The following FUCA1 variants were observed in gnomAD, a reference collection of about 807,000 sequenced individuals.
FUCA1 encodes the protein tissue alpha-L-fucosidase.
In FUCA1, 52 loss-of-function variants were observed where a neutral mutation model predicts 56.8. That is an observed-to-expected ratio of 0.92 (90% CI 0.73 to 1.15). The LOEUF (loss-of-function observed/expected upper bound fraction) is 1.15, where lower values mean the gene tolerates loss of function less well. Among genes scored for constraint, FUCA1 ranks in the 50% most tolerant of loss-of-function variants. The pLI, the probability that FUCA1 is intolerant of heterozygous loss-of-function variation, is 0.00. For synonymous variants in FUCA1, 230 were observed against 226.6 expected, an observed-to-expected ratio of 1.02 and a Z score of -0.14; for missense variants, 568 against 592.6, an observed-to-expected ratio of 0.96 and a Z score of 0.43.
At chr1:23,860,540 C>T (rs1639484685) in intron 3 of FUCA1, among the ~76,000 whole-genome samples, 1 of 147,582 alleles carries the variant, frequency 6.8e-6, no homozygotes, top group African/African-American at 2.5e-5. Flanking sequence ...GCCGAGATTG[C>T]GCCACTGCAC....
At position 23,868,086 on chromosome 1, in the gene FUCA1, G is replaced by T. The variant is rs917235973; in HGVS notation, c.201C>A (p.Phe67Leu). The T allele has an allele frequency of 6.2e-7, 1 of 1,611,842 alleles. No individual in the cohort carries two copies. Among genetic ancestry groups the T allele is most frequent in the Non-Finnish European group, 8.5e-7 (1 of 1,179,594 alleles). Residue 67 changes from phenylalanine to leucine, a missense_variant, in exon 1 of 8, where the codon TTC (phenylalanine) becomes TTA (leucine). Physicochemically the swap from Phe to Leu is conservative, Grantham distance 22. Transcript: ENST00000374479. ...ACTCGCTGCCCCAGGCGGGCACCGA[G>T]AACACGCCCCAGTGGATGAACACCC... ...KFGVFIHWGVFSVPAWGSEWF... is the reference protein window; with the variant it reads ...KFGVFIHWGVLSVPAWGSEWF...
chr1:23,864,992 C>T (rs944482798), intron 2 of FUCA1, among the ~76,000 whole-genome samples: 2 of 152,172 alleles, frequency 1.3e-5, no homozygotes, highest in African/African-American at 2.4e-5. Context: ...TGTGAGTCAA[C>T]GCACCCGACC....
intron 3 of FUCA1, among the ~76,000 whole-genome samples, chr1:23,862,046 A>T (rs1331946942): frequency 6.6e-6 from 1 of 152,242 alleles, no homozygotes; most frequent in Non-Finnish European, 1.5e-5. Flanking sequence ...CAACATAGCC[A>T]AGTACGATAA....
intron 5 of FUCA1, among the ~76,000 whole-genome samples, chr1:23,853,697 CTT>C (rs1639327400): frequency 1.3e-5 from 2 of 150,272 alleles, no homozygotes; most frequent in African/African-American, 2.4e-5. Flanking sequence ...ACACGGGAGA[CTT>C]TTCATTTTGT....
chr1:23,865,659 T>C (rs770555085), intron 1 of FUCA1, 34 bp from the exon 2 acceptor site: 1 of 1,614,130 alleles, frequency 6.2e-7, no homozygotes, highest in Non-Finnish European at 8.5e-7. Flanking sequence ...GCAAAGGAAG[T>C]GGGCAGTGAA....
In FUCA1 at chr1:23,854,562, T is replaced by C. The variant is rs1250037816; in HGVS notation, c.769-2A>G. 6.2e-7 allele frequency: 1 copy of C among 1,611,128 alleles called. No individual in the cohort carries two copies. Among genetic ancestry groups the C allele is most frequent in the Non-Finnish European group, 8.5e-7 (1 of 1,177,310 alleles). On this transcript the variant is annotated splice_acceptor_variant, in intron 4 of 7. Coordinates refer to ENST00000374479, the MANE Select transcript of FUCA1 (RefSeq NM_000147.5). LOFTEE classifies it high-confidence loss of function. ...TCGGTCATTTACTACCACCTCATCC[T>C]AAGGAGGGAAAGAATATTTGGTCAT...
intron 5 of FUCA1, 50 bp from the exon 6 acceptor site, chr1:23,848,889 C>A (rs1270019728): frequency 6.8e-7 from 1 of 1,463,268 alleles, no homozygotes; most frequent in Non-Finnish European, 9.6e-7. Flanking sequence ...CCAAGCCTGG[C>A]ATCATGCTTA....
rs886046326 is a variant in FUCA1 at position 23,868,257 on chromosome 1, C to T, written c.30G>A (p.Pro10=). 9 of 1,558,002 alleles carry T rather than the reference C, an allele frequency of 5.8e-6. No individual in the cohort carries two copies. Among genetic ancestry groups the T allele is most frequent in the Non-Finnish European group, 7.8e-6 (9 of 1,153,116 alleles). The part of the protein sequence containing the change: MRAPGMRSR[P]AGPALLLLLL... ...GCAGCAGCAACAGCGCGGGACCCGC[C>T]GGCCGCGACCTCATCCCCGGAGCCC... is the stretch of plus-strand genomic sequence containing the variant. Residue 10 remains proline, a synonymous_variant, in exon 1 of 8, where the codon CCG becomes CCA. Coordinates refer to ENST00000374479, the MANE Select transcript of FUCA1 (RefSeq NM_000147.5).
At chr1:23,846,428 G>A (rs759222613) in intron 6 of FUCA1, among the ~76,000 whole-genome samples, 2 of 151,646 alleles carry the variant, frequency 1.3e-5, no homozygotes, top group East Asian at 1.9e-4. Context: ...GCACCACCAC[G>A]CCTGGCTAAC....
Position 23,854,479 on chromosome 1 carries a change from T to G in FUCA1, c.850A>C (p.Lys284Gln). The change falls in exon 5 of 8, where the codon AAG becomes CAG. Residue 284 changes from lysine to glutamine, a missense_variant. Physicochemically the swap from Lys to Gln is moderately conservative, Grantham distance 53 (BLOSUM62 1). Coordinates refer to ENST00000374479, the MANE Select transcript of FUCA1 (RefSeq NM_000147.5). ...TTGTGATCTGGCAAGCTCTGTGGCT[T>G]GAATTTATCTTCACAGTTATAGTAT... ...GGYYNCEDKF[K>Q]PQSLPDHKWE... The G allele has an allele frequency of 1.2e-6, 2 of 1,614,162 alleles. No individual in the cohort carries two copies. The highest frequency in any genetic ancestry group is 1.7e-6 in the Non-Finnish European group (2 of 1,179,980).
At chr1:23,864,194 C>G (rs750827963) in intron 2 of FUCA1, among the ~76,000 whole-genome samples, 7 of 150,296 alleles carry the variant, frequency 4.7e-5, no homozygotes, top group Admixed American at 1.3e-4. Context: ...TCACGCCATT[C>G]TCCTACCTCA....
At chr1:23,852,133 A>G (rs1224048521) in intron 5 of FUCA1, among the ~76,000 whole-genome samples, 2 of 148,592 alleles carry the variant, frequency 1.3e-5, no homozygotes, top group Admixed American at 1.4e-4. Context: ...GTTAAAAAAT[A>G]GTGAACTCAG....
At position 23,863,220 on chromosome 1, in the gene FUCA1, G is replaced by C. The variant is rs1342498384; in HGVS notation, c.576C>G (p.Leu192=). 9 of 1,613,798 alleles carry C rather than the reference G, an allele frequency of 5.6e-6. No homozygotes were observed. Among genetic ancestry groups the C allele is most frequent in the Non-Finnish European group, 7.6e-6 (9 of 1,179,894 alleles). Reference sequence around the variant, plus strand: ...AGCCATTTTTCTTATCAAGTAGATAGAGTGGATGGAACCACTCTAAGAGTG... The same window carrying C: ...AGCCATTTTTCTTATCAAGTAGATACAGTGGATGGAACCACTCTAAGAGTG... ...YHSLLEWFHP[L]YLLDKKNGFK... is the part of the protein sequence containing the mutation. Residue 192 remains leucine (L), a synonymous_variant, in exon 3 of 8, where the codon CTC becomes CTG. Transcript: ENST00000374479.
chr1:23,847,287 A>C (rs911009356), intron 6 of FUCA1, among the ~76,000 whole-genome samples: 1 of 152,120 alleles, frequency 6.6e-6, no homozygotes, highest in Non-Finnish European at 1.5e-5. Flanking sequence ...AAAATAGCAG[A>C]GACTATAACA....
chr1:23,864,128 C>G (rs562516829), intron 2 of FUCA1, among the ~76,000 whole-genome samples: 19 of 148,448 alleles, frequency 1.3e-4, no homozygotes, highest in African/African-American at 4.0e-4. Context: ...GCTCTGTCGC[C>G]CAGGCTGGAG....
At position 23,859,821 on chromosome 1, in the gene FUCA1, G is replaced by A. The variant is rs1439266671; in HGVS notation, c.745C>T (p.Leu249Phe). The A allele has an allele frequency of 6.2e-7, 1 of 1,608,872 alleles. No individual in the cohort carries two copies. Among genetic ancestry groups the A allele is most frequent in the Non-Finnish European group, 8.5e-7 (1 of 1,175,284 alleles). Residue 249 changes from leucine to phenylalanine, a missense_variant, in exon 4 of 8, where the codon CTC becomes TTC. Physicochemically the swap from Leu to Phe is conservative, Grantham distance 22. Transcript: ENST00000374479. ...YWNSTNFLSW[L>F]YNDSPVKDEV... Reference sequence around the variant, plus strand: ...ACCTTGACAGGGCTGTCATTGTAGAGCCATGAAAGAAAATTTGTGGAGTTC... The same window carrying A: ...ACCTTGACAGGGCTGTCATTGTAGAACCATGAAAGAAAATTTGTGGAGTTC...
intron 4 of FUCA1, among the ~76,000 whole-genome samples, chr1:23,858,875 C>T (rs1019230647): frequency 4.6e-5 from 7 of 152,100 alleles, no homozygotes; most frequent in Non-Finnish European, 1.0e-4. Flanking sequence ...AGCCTCCCCC[C>T]ACATCAGCCT....
chr1:23,868,110 C>T lies in FUCA1; in HGVS notation c.177G>A (p.Gly59=). 6 of 1,611,876 alleles carry T rather than the reference C, an allele frequency of 3.7e-6. No homozygotes were observed. In the South Asian group the frequency reaches 6.6e-5, roughly 18 times the overall value. Residue 59 remains glycine, a synonymous_variant, in exon 1 of 8, where the codon GGG becomes GGA. Coordinates refer to ENST00000374479, the MANE Select transcript of FUCA1 (RefSeq NM_000147.5). ...AGAACACGCCCCAGTGGATGAACAC[C>T]CCGAACTTGGCTTCGTCGAACCAGG... ...LPAWFDEAKF[G]VFIHWGVFSV... is the part of the protein sequence containing the mutation.
chr1:23,859,763 A>G, intron 4 of FUCA1, 35 bp downstream of exon 4: 1 of 1,363,542 alleles, frequency 7.3e-7, no homozygotes, highest in Non-Finnish European at 1.1e-6. Flanking sequence ...TTCTTTCTTC[A>G]TAGGAGATAA....
Sources: gnomAD v4.1 joint callset for allele counts (sites outside exome capture counted in the v4.1 genomes callset) on GRCh38, gnomAD v4.1.1 for gene constraint, MANE v1.5 for transcripts, NCBI Gene and HGNC (gene_info 2026-07-23, HGNC 2026-07-21) for gene names.